The following NACC2 variants were observed in gnomAD, a reference collection of about 807,000 sequenced individuals.
The protein encoded by NACC2 is NACC family member 2.
Under a neutral mutation model 25.1 loss-of-function variants are expected in NACC2, and 8 were observed. That is an observed-to-expected ratio of 0.32 (90% confidence interval 0.19 to 0.57). NACC2 has a LOEUF of 0.57. Ranked by LOEUF, NACC2 falls within the 20% of genes least tolerant of loss-of-function variation. The probability of loss-of-function intolerance (pLI) is 0.89; values close to 1 mark genes in which losing one functional copy is unlikely to be tolerated. For synonymous variants in NACC2, 435 were observed against 294.7 expected (o/e 1.48, Z -4.88); for missense variants, 644 against 650.2 (o/e 0.99, Z 0.10).
Position 136,060,713 on chromosome 9 carries a change from G to A in NACC2, c.-59-10133C>T, listed in dbSNP as rs73668057. Reference sequence around the variant, plus strand: ...TGCAGGACGCTCCCAGGTGAAGAGCGTGAGAAACATAGCCGGTGAGCACGG... The same window carrying A: ...TGCAGGACGCTCCCAGGTGAAGAGCATGAGAAACATAGCCGGTGAGCACGG... On this transcript the variant is annotated intron_variant, in intron 1 of 5. Transcript: ENST00000277554. Among the ~76,000 whole-genome samples the A allele has an allele frequency of 8.0e-4, 122 of 152,386 alleles. 1 individual carries two copies. The highest frequency in any genetic ancestry group is 2.8e-3 in the African/African-American group (118 of 41,594).
At chr9:136,024,167 TGTGTGTGTGTGAGGACGGA>T (rs1840341520) in intron 2 of NACC2, among the ~76,000 whole-genome samples, 2 of 141,722 alleles carry the variant, frequency 1.4e-5, no homozygotes, top group South Asian at 2.3e-4. Flanking sequence ...TGTGTGTGTG[TGTGTGTGTGTGAGGACGGA>T]GTGTGTGTGT....
chr9:136,039,771 A>G (rs969583540), intron 2 of NACC2, among the ~76,000 whole-genome samples: 48 of 152,340 alleles, frequency 3.2e-4, no homozygotes, highest in African/African-American at 1.0e-3. Flanking sequence ...GGTCAAATGC[A>G]GCCATGCAAA....
At position 136,078,729 on chromosome 9, in the gene NACC2, C is replaced by T. The variant is rs541860812; in HGVS notation, c.-60+16460G>A. 1.7e-3 allele frequency among the ~76,000 whole-genome samples: 259 copies of T among 152,358 alleles called. 1 individual carries two copies. The highest frequency in any genetic ancestry group is 3.4e-3 in the Middle Eastern group (1 of 294). On this transcript the variant is annotated intron_variant, in intron 1 of 5. Transcript: ENST00000277554. The stretch of plus-strand genomic sequence containing the variant: ...TCAGCCACATCAGAGCTGAGCAAAG[C>T]GAGCCCCTCAGGCAGGGCTGTCATC...
intron 1 of NACC2, among the ~76,000 whole-genome samples, chr9:136,059,279 C>T (rs1045250819): frequency 6.6e-6 from 1 of 152,186 alleles, no homozygotes; most frequent in South Asian, 2.1e-4. Context: ...CGCACAGGGG[C>T]CCGCAGAGCT....
rs67277453 is a variant in NACC2 at position 136,024,211 on chromosome 9, TGTGTGTGTGAGGACAGAGG to T, written c.887-7801_887-7783del. Among the ~76,000 whole-genome samples the T allele has an allele frequency of 4.8e-3, 467 of 98,254 alleles. 6 individuals are homozygous for T. The highest frequency in any genetic ancestry group is 6.2e-3 in the South Asian group (17 of 2,728). The allele number at this position is 98,254 out of a possible 152,430, so 64.5% of individuals were successfully genotyped here. A position where few individuals can be genotyped will look rare whatever the true frequency, so the allele number is the denominator to read the frequency against. On this transcript the variant is annotated intron_variant, in intron 2 of 5. Coordinates refer to ENST00000277554, the MANE Select transcript of NACC2 (RefSeq NM_144653.5). ...AGTGTGTGTGTGTGAGGACAGAGTG[TGTGTGTGTGAGGACAGAGG>T]GTGTGTGTGAGGACAGAGGGTGTGT...
chr9:136,088,888 A>C (rs1427747407), intron 1 of NACC2, among the ~76,000 whole-genome samples: 2 of 152,232 alleles, frequency 1.3e-5, no homozygotes, highest in Non-Finnish European at 2.9e-5. Context: ...TCCTGGGGGA[A>C]GGTTTCCCGG....
chr9:136,058,708 AC>A (rs1213044993), intron 1 of NACC2, among the ~76,000 whole-genome samples: 3 of 152,232 alleles, frequency 2.0e-5, no homozygotes. Context: ...ACAAACCTGT[AC>A]ACGTATCTCT....
At chr9:136,090,207 G>A (rs1830420999) in intron 1 of NACC2, among the ~76,000 whole-genome samples, 1 of 152,266 alleles carries the variant, frequency 6.6e-6, no homozygotes, top group Non-Finnish European at 1.5e-5. Context: ...AGCCCCCGAG[G>A]CAGATGCCCA....
intron 1 of NACC2, among the ~76,000 whole-genome samples, chr9:136,051,100 G>C (rs2131163445): frequency 6.6e-6 from 1 of 152,302 alleles, no homozygotes; most frequent in African/African-American, 2.4e-5. Flanking sequence ...TTCCCTCCGA[G>C]CAGCCTCGCA....
intron 3 of NACC2, among the ~76,000 whole-genome samples, chr9:136,014,262 C>T (rs1195946862): frequency 6.6e-6 from 1 of 152,126 alleles, no homozygotes; most frequent in Non-Finnish European, 1.5e-5. Flanking sequence ...CAAGCTCTCC[C>T]GGCCATGCTG....
intron 1 of NACC2, among the ~76,000 whole-genome samples, chr9:136,079,685 C>T (rs2131184580): frequency 6.6e-6 from 1 of 152,330 alleles, no homozygotes; most frequent in Admixed American, 6.5e-5. Flanking sequence ...GAATGCACTC[C>T]AGGGTCACCA....
At chr9:136,078,806 C>A (rs767220475) in intron 1 of NACC2, among the ~76,000 whole-genome samples, 1 of 152,226 alleles carries the variant, frequency 6.6e-6, no homozygotes, top group Non-Finnish European at 1.5e-5. Context: ...GTAAGCACCC[C>A]CAGCGTGGTC....
At chr9:136,044,497 G>A (rs1000998975) in intron 2 of NACC2, among the ~76,000 whole-genome samples, 1 of 152,132 alleles carries the variant, frequency 6.6e-6, no homozygotes, top group Non-Finnish European at 1.5e-5. Context: ...TCCCCGGTCT[G>A]GCCATCTCTG....
intron 1 of NACC2, among the ~76,000 whole-genome samples, chr9:136,090,883 C>G (rs1830427693): frequency 6.6e-6 from 1 of 152,072 alleles, no homozygotes; most frequent in African/African-American, 2.4e-5. Flanking sequence ...GCCGTTCACC[C>G]CAGTGACTAT....
chr9:136,030,568 C>T (rs1840458369), intron 2 of NACC2, among the ~76,000 whole-genome samples: 1 of 151,842 alleles, frequency 6.6e-6, no homozygotes, highest in South Asian at 2.1e-4. Context: ...CGAGACTGCG[C>T]CACTGCACTC....
chr9:136,045,355 G>A (rs1386988355), intron 2 of NACC2, among the ~76,000 whole-genome samples: 3 of 129,066 alleles, frequency 2.3e-5, no homozygotes, highest in African/African-American at 7.6e-5. Flanking sequence ...AAGGGTTACC[G>A]TCACGGGCCC....
At position 136,022,387 on chromosome 9, in the gene NACC2, C is replaced by A. The variant is rs928150471; in HGVS notation, c.887-5958G>T. On this transcript the variant is annotated intron_variant, in intron 2 of 5. Coordinates refer to ENST00000277554, the MANE Select transcript of NACC2 (RefSeq NM_144653.5). The surrounding 1 kb of genome is among the most constrained non-coding windows in gnomAD (Gnocchi z 4.4). ...CAACACCCTCCTGCCCGATGCCCAG[C>A]AAGGCTGGGACCACAACTTGCTTCC... 6.6e-6 allele frequency among the ~76,000 whole-genome samples: 1 copy of A among 152,240 alleles called. No homozygotes were observed. The highest frequency in any genetic ancestry group is 2.4e-5 in the African/African-American group (1 of 41,462).
chr9:136,012,581 C>T (rs2131131012), intron 5 of NACC2, among the ~76,000 whole-genome samples: 1 of 152,384 alleles, frequency 6.6e-6, no homozygotes. Context: ...GGCTGCCACC[C>T]CACACTTGGG....
At chr9:136,049,305 C>A (rs1840777572) in intron 2 of NACC2, among the ~76,000 whole-genome samples, 1 of 152,194 alleles carries the variant, frequency 6.6e-6, no homozygotes, top group Admixed American at 6.5e-5. Flanking sequence ...GCGGGTCCTC[C>A]CGTACACCGC....
Sources: gnomAD v4.1 joint callset for allele counts (sites outside exome capture counted in the v4.1 genomes callset) on GRCh38, gnomAD v4.1.1 for gene constraint, Gnocchi (gnomAD v3.1) non-coding constraint, MANE v1.5 for transcripts, NCBI Gene and HGNC (gene_info 2026-07-23, HGNC 2026-07-21) for gene names.